LOC128462377: variants seen among roughly 807,000 people sequenced by gnomAD.
the LOC128462377 span, among the ~76,000 whole-genome samples, chr16:89,337,328 C>T: frequency 1.3e-5 from 2 of 151,956 alleles, no homozygotes; most frequent in Non-Finnish European, 2.9e-5. Context: ...CGTGACCAAG[C>T]CCAGCTGAGC....
chr16:89,393,627 C>A, the LOC128462377 span, among the ~76,000 whole-genome samples: 1 of 151,908 alleles, frequency 6.6e-6, no homozygotes, highest in African/African-American at 2.4e-5. Flanking sequence ...CAGGAGGAAG[C>A]CACTGCGCCC....
chr16:89,410,075 G>A, the LOC128462377 span, among the ~76,000 whole-genome samples: 4 of 152,276 alleles, frequency 2.6e-5, no homozygotes, highest in African/African-American at 7.2e-5. Context: ...TCCTGACCTC[G>A]TGATCCGCCC....
At chr16:89,335,030 T>C in the LOC128462377 span, among the ~76,000 whole-genome samples, 1 of 152,264 alleles carries the variant, frequency 6.6e-6, no homozygotes, top group East Asian at 1.9e-4. Flanking sequence ...GCACCTAAGA[T>C]GTGTGCCATT....
the LOC128462377 span, among the ~76,000 whole-genome samples, chr16:89,326,292 A>C: frequency 6.6e-6 from 1 of 152,172 alleles, no homozygotes; most frequent in Admixed American, 6.5e-5. Flanking sequence ...CACGCAGGGA[A>C]GAGGAAGGTT....
At chr16:89,385,192 T>TTTTG in the LOC128462377 span, among the ~76,000 whole-genome samples, 6 of 150,142 alleles carry the variant, frequency 4.0e-5, no homozygotes, top group South Asian at 2.1e-4. Context: ...AATGGTGTTT[T>TTTTG]TTTGTTTGTT....
At chr16:89,326,860 G>C in the LOC128462377 span, among the ~76,000 whole-genome samples, 3 of 152,230 alleles carry the variant, frequency 2.0e-5, no homozygotes, top group Non-Finnish European at 4.4e-5. Flanking sequence ...CTGCCCGCCA[G>C]GGGCTGCTGG....
chr16:89,370,529 A>C, the LOC128462377 span: 1 of 152,400 alleles, frequency 6.6e-6, no homozygotes, highest in African/African-American at 2.4e-5. Context: ...CAGAGGCTGG[A>C]GCACACCTCC....
At chr16:89,384,348 T>C in the LOC128462377 span, among the ~76,000 whole-genome samples, 1 of 152,094 alleles carries the variant, frequency 6.6e-6, no homozygotes, top group Admixed American at 6.5e-5. Context: ...CCGTCCAACA[T>C]AGCGAAACCC....
At chr16:89,382,910 G>A in the LOC128462377 span, among the ~76,000 whole-genome samples, 1 of 152,084 alleles carries the variant, frequency 6.6e-6, no homozygotes, top group African/African-American at 2.4e-5. Context: ...GCATGATCTC[G>A]GCTCACTGCA....
the LOC128462377 span, among the ~76,000 whole-genome samples, chr16:89,398,319 GA>G: frequency 5.0e-5 from 7 of 139,450 alleles, no homozygotes; most frequent in Non-Finnish European, 9.3e-5. Context: ...GGGACACTGT[GA>G]AACAGCTGAA....
chr16:89,402,665 A>G, the LOC128462377 span, among the ~76,000 whole-genome samples: 3 of 112,970 alleles, frequency 2.7e-5, no homozygotes, highest in African/African-American at 1.0e-4. Flanking sequence ...GGGTGAGGTG[A>G]AGGGGGTGGT....
chr16:89,410,265 C>T, the LOC128462377 span, among the ~76,000 whole-genome samples: 1 of 152,188 alleles, frequency 6.6e-6, no homozygotes, highest in African/African-American at 2.4e-5. Context: ...CTCATAACAT[C>T]ATCACCAAGC....
the LOC128462377 span, among the ~76,000 whole-genome samples, chr16:89,402,440 G>A: frequency 5.9e-5 from 9 of 152,088 alleles, no homozygotes; most frequent in Admixed American, 2.0e-4. Context: ...AACACATGAG[G>A]AAGCCGAGGC....
chr16:89,346,599 A>G, the LOC128462377 span, among the ~76,000 whole-genome samples: 4 of 152,184 alleles, frequency 2.6e-5, no homozygotes, highest in Non-Finnish European at 5.9e-5. Context: ...ACCAGAAAAC[A>G]CAGCCTTCAA....
chr16:89,343,429 G>T, the LOC128462377 span, among the ~76,000 whole-genome samples: 7 of 152,330 alleles, frequency 4.6e-5, no homozygotes, highest in South Asian at 1.2e-3. Flanking sequence ...GCTCAGATTT[G>T]TGTTTTTATG....
chr16:89,368,566 C>A, the LOC128462377 span, among the ~76,000 whole-genome samples: 3 of 148,480 alleles, frequency 2.0e-5, no homozygotes, highest in Non-Finnish European at 3.0e-5. Flanking sequence ...AATTTAATTT[C>A]TTGCTCTAAG....
chr16:89,317,749 T>C, the LOC128462377 span, among the ~76,000 whole-genome samples: 16 of 152,142 alleles, frequency 1.1e-4, no homozygotes, highest in African/African-American at 2.2e-4. Context: ...ACTGTATTAA[T>C]TGTATATTAT....
At chr16:89,349,255 G>A in the LOC128462377 span, among the ~76,000 whole-genome samples, 1 of 150,400 alleles carries the variant, frequency 6.6e-6, no homozygotes, top group African/African-American at 2.4e-5. Flanking sequence ...CAGGCCAGGC[G>A]CAGTGGCTCA....
chr16:89,337,045 G>T, the LOC128462377 span, among the ~76,000 whole-genome samples: 2 of 148,312 alleles, frequency 1.3e-5, no homozygotes, highest in African/African-American at 2.5e-5. Flanking sequence ...AATTAGCCAG[G>T]TGTGGTGGTG....
Sources: allele counts gnomAD v4.1 joint callset (sites outside exome capture counted in the v4.1 genomes callset), GRCh38; gene constraint gnomAD v4.1.1; transcripts MANE v1.5.